The following PPP1R3A variants were observed in gnomAD, a reference collection of about 807,000 sequenced individuals.
PPP1R3A encodes RG1.
PPP1R3A carries 29 observed loss-of-function variants against 41.7 expected under a neutral mutation model. The ratio of observed to expected loss-of-function variants is 0.70; its 90% CI spans 0.52 to 0.95. PPP1R3A has a LOEUF of 0.95. PPP1R3A is among the 40% of genes least tolerant of loss of function. PPP1R3A has a pLI of 0.00. For missense variants in PPP1R3A, 1,352 were observed against 1,292.4 expected (o/e 1.05, Z -0.71); for synonymous variants, 485 against 453.4 (o/e 1.07, Z -0.89).
chr7:113,902,479 T>A (rs1165283290), intron 1 of PPP1R3A, among the ~76,000 whole-genome samples: 1 of 151,848 alleles, frequency 6.6e-6, no homozygotes, highest in Non-Finnish European at 1.5e-5. Context: ...TTTAATGCAA[T>A]CCATGCAGTC....
At chr7:113,897,017 T>G (rs969890474) in intron 1 of PPP1R3A, among the ~76,000 whole-genome samples, 2 of 151,900 alleles carry the variant, frequency 1.3e-5, no homozygotes, top group African/African-American at 4.8e-5. Flanking sequence ...ACATGCCATG[T>G]TATGGAAAAT....
In PPP1R3A at chr7:113,900,572, CAA is replaced by C. The variant is rs200915618; in HGVS notation, c.782+17641_782+17642del. 2.8e-3 allele frequency among the ~76,000 whole-genome samples: 417 copies of C among 149,184 alleles called. 2 individuals carry two copies. Among genetic ancestry groups the C allele is most frequent in the African/African-American group, 9.7e-3 (398 of 40,878 alleles). The stretch of plus-strand genomic sequence containing the variant: ...TTTATACATATATCATTATATATGT[CAA>C]TATACATAAAATATTGATATATATC... On this transcript the variant is annotated intron_variant, in intron 1 of 3. Coordinates refer to ENST00000284601, the MANE Select transcript of PPP1R3A (RefSeq NM_002711.4).
At position 113,917,718 on chromosome 7, in the gene PPP1R3A, T is replaced by C. The variant is rs1321168772; in HGVS notation, c.782+497A>G. Among the ~76,000 whole-genome samples the C allele has an allele frequency of 8.5e-5, 13 of 152,180 alleles. No homozygotes were observed. In the East Asian group the frequency reaches 1.5e-3, roughly 18 times the overall value. Reference sequence around the variant, plus strand: ...AAATTAACATGTATCACTTCAAACATCCCTGTATAACTCAAAACAGTTATG... The same window carrying C: ...AAATTAACATGTATCACTTCAAACACCCCTGTATAACTCAAAACAGTTATG... On this transcript the variant is annotated intron_variant, in intron 1 of 3. Coordinates refer to ENST00000284601, the MANE Select transcript of PPP1R3A (RefSeq NM_002711.4).
At chr7:113,882,452 C>T (rs1323036893) in intron 1 of PPP1R3A, 132 bp from the exon 2 acceptor site, 2 of 599,410 alleles carry the variant, frequency 3.3e-6, no homozygotes, top group Non-Finnish European at 5.9e-6. Flanking sequence ...TCCTATATTA[C>T]TTGGGATGTT....
At chr7:113,880,232 C>T in intron 3 of PPP1R3A, 107 bp from the exon 4 acceptor site, 1 of 1,028,170 alleles carries the variant, frequency 9.7e-7, no homozygotes, top group Admixed American at 2.6e-5. Context: ...TGGTAGATTT[C>T]TTTGACTGAT....
At chr7:113,916,085 C>T (rs1797337563) in intron 1 of PPP1R3A, among the ~76,000 whole-genome samples, 1 of 152,004 alleles carries the variant, frequency 6.6e-6, no homozygotes. Flanking sequence ...TCATGTTGGA[C>T]TGAAATTCAG....
At chr7:113,898,082 A>G (rs1465285628) in intron 1 of PPP1R3A, among the ~76,000 whole-genome samples, 1 of 151,752 alleles carries the variant, frequency 6.6e-6, no homozygotes, top group Admixed American at 6.6e-5. Flanking sequence ...TCTATTGGAT[A>G]TGATACCAAT....
At chr7:113,901,048 C>T (rs3857834) in intron 1 of PPP1R3A, among the ~76,000 whole-genome samples, 93,533 of 151,174 alleles carry the variant, frequency 0.62, 28,988 homozygotes, top group South Asian at 0.73. Context: ...TGGGAAAAGA[C>T]GGACCTGAAA....
At chr7:113,898,204 T>A (rs900819648) in intron 1 of PPP1R3A, among the ~76,000 whole-genome samples, 3 of 151,852 alleles carry the variant, frequency 2.0e-5, no homozygotes, top group Non-Finnish European at 2.9e-5. Flanking sequence ...AATTCTGCCT[T>A]CATAAAGTTT....
At chr7:113,914,103 T>G (rs1276741169) in intron 1 of PPP1R3A, among the ~76,000 whole-genome samples, 1 of 152,188 alleles carries the variant, frequency 6.6e-6, no homozygotes, top group African/African-American at 2.4e-5. Context: ...GGACATTAGC[T>G]GAACAAGATT....
In PPP1R3A at chr7:113,882,295, C is replaced by T. The variant is rs541327220; in HGVS notation, c.808G>A (p.Glu270Lys). The change falls in exon 2 of 4, where the codon GAA (glutamate) becomes AAA (lysine). Residue 270 changes from glutamate (E) to lysine (K), a missense_variant. Glu to Lys is a moderately conservative substitution (Grantham distance 56). Transcript: ENST00000284601. The part of the protein sequence containing the change: ...SSKEESSVTS[E>K]ENNFENPKNT... The stretch of plus-strand genomic sequence containing the variant: ...TTTGGATTCTCAAAGTTATTTTCTT[C>T]TGATGTTACTGATGATTCTTCTTTA... The T allele has an allele frequency of 6.8e-7, 1 of 1,468,288 alleles. No individual in the cohort carries two copies. The highest frequency in any genetic ancestry group is 9.5e-7 in the Non-Finnish European group (1 of 1,050,212). The allele number at this position is 1,468,288 out of a possible 1,614,324, so 91.0% of individuals were successfully genotyped here.
Position 113,878,017 on chromosome 7 carries a change from C to T in PPP1R3A, c.3075G>A (p.Arg1025=), listed in dbSNP as rs892164462. The T allele has an allele frequency of 2.5e-6, 4 of 1,613,258 alleles. No individual in the cohort carries two copies. Among genetic ancestry groups the T allele is most frequent in the Non-Finnish European group, 3.4e-6 (4 of 1,179,600 alleles). The change falls in exon 4 of 4, where the codon AGG becomes AGA. Residue 1025 remains arginine (R), a synonymous_variant. Transcript: ENST00000284601. The part of the protein sequence containing the change: ...NKPLENMEEA[R]HENEGLVSSG... Reference sequence around the variant, plus strand: ...AGCTTACTAATCCTTCATTTTCATGCCTTGCTTCTTCCATATTCTCAAGAG... The same window carrying T: ...AGCTTACTAATCCTTCATTTTCATGTCTTGCTTCTTCCATATTCTCAAGAG...
At chr7:113,888,794 T>C (rs948560757) in intron 1 of PPP1R3A, among the ~76,000 whole-genome samples, 1 of 152,198 alleles carries the variant, frequency 6.6e-6, no homozygotes, top group African/African-American at 2.4e-5. Flanking sequence ...ACTAGTCACC[T>C]GGGTCCATAA....
chr7:113,911,577 A>G (rs1274336453), intron 1 of PPP1R3A, among the ~76,000 whole-genome samples: 1 of 152,134 alleles, frequency 6.6e-6, no homozygotes, highest in African/African-American at 2.4e-5. Context: ...GAACTACCTT[A>G]AGAAAAACAT....
In PPP1R3A at chr7:113,877,641, G is replaced by T; in HGVS notation, c.*82C>A. The stretch of plus-strand genomic sequence containing the variant: ...AAGAGAAAAACTGCACTGGATCTTT[G>T]AACAATGAATAGTCCCATTCACCAA... On this transcript the variant is annotated 3_prime_UTR_variant, in exon 4 of 4. Coordinates refer to ENST00000284601, the MANE Select transcript of PPP1R3A (RefSeq NM_002711.4). 1.4e-6 allele frequency: 2 copies of T among 1,436,748 alleles called. No individual in the cohort carries two copies. The highest frequency in any genetic ancestry group is 3.0e-5 in the South Asian group (2 of 67,470). 89.0% of individuals were successfully genotyped at this position (1,436,748 alleles called of 1,614,324 possible).
intron 1 of PPP1R3A, among the ~76,000 whole-genome samples, chr7:113,889,391 T>C (rs1004770151): frequency 2.6e-5 from 4 of 152,120 alleles, no homozygotes; most frequent in Admixed American, 6.6e-5. Context: ...GGAACCACCA[T>C]TACTTGACAT....
At chr7:113,912,940 C>G (rs1052263891) in intron 1 of PPP1R3A, among the ~76,000 whole-genome samples, 1 of 152,012 alleles carries the variant, frequency 6.6e-6, no homozygotes, top group Non-Finnish European at 1.5e-5. Context: ...CAAAATCACT[C>G]TAGGGAAAGT....
chr7:113,900,659 A>G (rs1013661671), intron 1 of PPP1R3A, among the ~76,000 whole-genome samples: 5 of 148,668 alleles, frequency 3.4e-5, no homozygotes, highest in African/African-American at 7.3e-5. Context: ...GTATATTTAC[A>G]TATTATATAT....
intron 1 of PPP1R3A, among the ~76,000 whole-genome samples, chr7:113,914,541 G>C (rs1797307790): frequency 1.3e-5 from 2 of 152,070 alleles, no homozygotes; most frequent in East Asian, 3.9e-4. Context: ...AAGAGACAAA[G>C]GAATGGCTCT....
Sources: gnomAD v4.1 joint callset for allele counts (sites outside exome capture counted in the v4.1 genomes callset) on GRCh38, gnomAD v4.1.1 for gene constraint, MANE v1.5 for transcripts, NCBI Gene and HGNC (gene_info 2026-07-23, HGNC 2026-07-21) for gene names.